The following MYDGF variants were observed in gnomAD, a reference collection of about 807,000 sequenced individuals.
The protein encoded by MYDGF is myeloid-derived growth factor.
In MYDGF, 29 loss-of-function variants were observed where a neutral mutation model predicts 24.2. That is an observed-to-expected ratio of 1.20 (90% CI 0.89 to 1.63). The LOEUF (loss-of-function observed/expected upper bound fraction) is 1.63. Ranked by LOEUF, MYDGF falls within the 40% of genes most tolerant of loss-of-function variation. The probability of loss-of-function intolerance (pLI) is 0.00; values close to 1 mark genes in which losing one functional copy is unlikely to be tolerated. For synonymous variants in MYDGF, 105 were observed against 102.5 expected (o/e 1.02, Z -0.15); for missense variants, 245 against 234.8 (o/e 1.04, Z -0.29).
chr19:4,658,386 G>A (rs1481258494), intron 5 of MYDGF, among the ~76,000 whole-genome samples: 1 of 152,190 alleles, frequency 6.6e-6, no homozygotes, highest in Non-Finnish European at 1.5e-5. Context: ...GATGCAGAAA[G>A]GGGCCAGAAG....
At chr19:4,665,769 T>C (rs1018948248) in intron 2 of MYDGF, among the ~76,000 whole-genome samples, 2 of 128,402 alleles carry the variant, frequency 1.6e-5, no homozygotes, top group African/African-American at 5.7e-5. Flanking sequence ...TGCAGTGAGC[T>C]GAGATCGCGC....
chr19:4,665,242 A>G (rs1182086463), intron 2 of MYDGF, among the ~76,000 whole-genome samples: 1 of 152,028 alleles, frequency 6.6e-6, no homozygotes, highest in Non-Finnish European at 1.5e-5. Context: ...TTTGTTTTTG[A>G]GATGGAGTCT....
At chr19:4,664,489 C>CAAAA (rs397958176) in intron 3 of MYDGF, among the ~76,000 whole-genome samples, 3 of 87,880 alleles carry the variant, frequency 3.4e-5, no homozygotes, top group East Asian at 7.0e-4. Flanking sequence ...GACTCCATCT[C>CAAAA]AAAAAAAAAA....
intron 4 of MYDGF, 106 bp downstream of exon 4, chr19:4,660,563 C>T: frequency 9.3e-7 from 1 of 1,070,046 alleles, no homozygotes; most frequent in South Asian, 1.4e-5. Flanking sequence ...ATTCGCTGTC[C>T]CCTCTCCTCC....
rs1247395689 is a variant in MYDGF at position 4,664,435 on chromosome 19, A to G, written c.287+441T>C. 2.7e-5 allele frequency among the ~76,000 whole-genome samples: 4 copies of G among 150,224 alleles called. 1 individual carries two copies. The highest frequency in any genetic ancestry group is 5.9e-5 in the Non-Finnish European group (4 of 67,660). Reference sequence around the variant, plus strand: ...AACCCAGGAGGCGGAGGCTGCAGTGAGCCAAGATTGCTCCACTGCACTACA... The same window carrying G: ...AACCCAGGAGGCGGAGGCTGCAGTGGGCCAAGATTGCTCCACTGCACTACA... On this transcript the variant is annotated intron_variant, in intron 3 of 5. Coordinates refer to ENST00000262947, the MANE Select transcript of MYDGF (RefSeq NM_019107.4).
rs1331498627 is a variant in MYDGF, at chr19:4,660,813, T to C, written c.288-63A>G. 4 of 1,439,110 alleles carry C rather than the reference T, an allele frequency of 2.8e-6. No homozygotes were observed. In the East Asian group the frequency reaches 7.1e-5, roughly 25 times the overall value. The allele number at this position is 1,439,110 out of a possible 1,614,324, so 89.1% of individuals were successfully genotyped here. A position where few individuals can be genotyped will look rare whatever the true frequency, so the allele number is the denominator to read the frequency against. On this transcript the variant is annotated intron_variant, in intron 3 of 5. Transcript: ENST00000262947. The stretch of plus-strand genomic sequence containing the variant: ...CTGCTGGGTCTGGGTCTGTGTGCCC[T>C]GGAAGGAGCCCCGCCAGGGACTCGG...
Position 4,665,744 on chromosome 19 carries a change from C to A in MYDGF, c.226-807G>T, listed in dbSNP as rs540007529. ...GCTAAGGCAGGAGAATGGCGTGTAC[C>A]CGGGAGGCGGAGCTTGCAGTGAGCT... On this transcript the variant is annotated intron_variant, in intron 2 of 5. Transcript: ENST00000262947. Among the ~76,000 whole-genome samples the A allele has an allele frequency of 4.8e-3, 696 of 145,134 alleles. 2 individuals are homozygous for A. Among genetic ancestry groups the A allele is most frequent in the Middle Eastern group, 0.016 (4 of 254 alleles).
At chr19:4,659,659 GC>G (rs2088454122) in intron 5 of MYDGF, 1 of 512,524 alleles carries the variant, frequency 2.0e-6, no homozygotes, top group African/African-American at 1.9e-5. Context: ...ACCGCGCCCA[GC>G]TAAGATAAAG....
intron 5 of MYDGF, among the ~76,000 whole-genome samples, chr19:4,658,639 A>G (rs117505142): frequency 0.016 from 2,501 of 152,088 alleles, 39 homozygotes; most frequent in Non-Finnish European, 0.022. Context: ...CATTGGCGCC[A>G]TGCAGCTGAA....
rs201976051 is a variant in MYDGF at position 4,668,652 on chromosome 19, A to G, written c.175-7T>C. ...ACATACACGTATATTTGTCCTAGAG[A>G]ATGGAAGGAAAAAAAAGGTTTGGTA... On this transcript the variant is annotated splice_polypyrimidine_tract_variant and splice_region_variant and intron_variant, in intron 1 of 5. Coordinates refer to ENST00000262947, the MANE Select transcript of MYDGF (RefSeq NM_019107.4). The G allele has an allele frequency of 2.0e-4, 326 of 1,611,290 alleles. No individual in the cohort carries two copies. The highest frequency in any genetic ancestry group is 8.3e-5 in the Admixed American group (5 of 59,940).
At chr19:4,668,259 G>A (rs1382786065) in intron 2 of MYDGF, among the ~76,000 whole-genome samples, 2 of 152,162 alleles carry the variant, frequency 1.3e-5, no homozygotes, top group Non-Finnish European at 2.9e-5. Context: ...AAAGCTATGA[G>A]ATAATAAATG....
In MYDGF at chr19:4,670,173, G is replaced by A; in HGVS notation, c.162C>T (p.Asn54=). ...PGGVVHSFSH[N]VGPGDKYTCM... Reference sequence around the variant, plus strand: ...CGGTGGCACGTACCCCCGGGCCCACGTTATGGGAGAAGGAATGCACGACGC... The same window carrying A: ...CGGTGGCACGTACCCCCGGGCCCACATTATGGGAGAAGGAATGCACGACGC... The change falls in exon 1 of 6, where the codon AAC becomes AAT. Residue 54 remains asparagine, a synonymous_variant. Transcript: ENST00000262947. The A allele has an allele frequency of 6.5e-7, 1 of 1,548,912 alleles. No homozygotes were observed. The highest frequency in any genetic ancestry group is 8.7e-7 in the Non-Finnish European group (1 of 1,149,838).
chr19:4,668,148 G>A (rs1455853682), intron 2 of MYDGF, among the ~76,000 whole-genome samples: 2 of 152,114 alleles, frequency 1.3e-5, no homozygotes, highest in African/African-American at 2.4e-5. Context: ...GGCTGGTCTC[G>A]AACTTTGACC....
chr19:4,668,583 T>C lies in MYDGF; in HGVS notation c.225+12A>G. On this transcript the variant is annotated intron_variant, in intron 2 of 5. Coordinates refer to ENST00000262947, the MANE Select transcript of MYDGF (RefSeq NM_019107.4). ...TGTCACAGTAAGCTAGAGGGAATTT[T>C]GAACAACTCACCTCATTGGTCCCTC... 6.2e-7 allele frequency: 1 copy of C among 1,606,450 alleles called. No individual in the cohort carries two copies. Among genetic ancestry groups the C allele is most frequent in the East Asian group, 2.2e-5 (1 of 44,834 alleles).
intron 1 of MYDGF, among the ~76,000 whole-genome samples, chr19:4,669,584 C>T (rs2088547270): frequency 6.6e-6 from 1 of 152,102 alleles, no homozygotes; most frequent in African/African-American, 2.4e-5. Flanking sequence ...CGCCACTGCA[C>T]GCAAGTCTAA....
chr19:4,658,090 A>G lies in MYDGF; in HGVS notation c.443-6T>C, dbSNP rs1252408178. On this transcript the variant is annotated splice_polypyrimidine_tract_variant and splice_region_variant and intron_variant, in intron 5 of 5. Coordinates refer to ENST00000262947, the MANE Select transcript of MYDGF (RefSeq NM_019107.4). The stretch of plus-strand genomic sequence containing the variant: ...TGCCCCGGGCCTGTGAGCCACTGCA[A>G]GAAAGAAACACATGGTTGGGCCCTC... 9 of 1,607,532 alleles carry G rather than the reference A, an allele frequency of 5.6e-6. No individual in the cohort carries two copies. The highest frequency in any genetic ancestry group is 7.6e-6 in the Non-Finnish European group (9 of 1,177,380).
Position 4,657,691 on chromosome 19 carries a change from G to A in MYDGF, c.*314C>T, listed in dbSNP as rs774525060. On this transcript the variant is annotated 3_prime_UTR_variant, in exon 6 of 6. Transcript: ENST00000262947. ...CTCGGCTGGAGGTCGGGGGGAGCAT[G>A]GCTGCTTTCCCCAGCATAGCCCCCA... 8 of 248,238 alleles carry A rather than the reference G, an allele frequency of 3.2e-5. No individual in the cohort carries two copies. The highest frequency in any genetic ancestry group is 6.2e-5 in the Non-Finnish European group (8 of 129,688). 15.4% of individuals were successfully genotyped at this position (248,238 alleles called of 1,614,324 possible). A position where few individuals can be genotyped will look rare whatever the true frequency, so the allele number is the denominator to read the frequency against.
chr19:4,669,613 C>T (rs2088547598), intron 1 of MYDGF, among the ~76,000 whole-genome samples: 1 of 152,194 alleles, frequency 6.6e-6, no homozygotes, highest in African/African-American at 2.4e-5. Context: ...AGTCAAAAAA[C>T]AGTAAAGATA....
At chr19:4,666,144 C>T (rs72977951) in intron 2 of MYDGF, among the ~76,000 whole-genome samples, 18,527 of 152,004 alleles carry the variant, frequency 0.12, 1,413 homozygotes, top group South Asian at 0.19. Flanking sequence ...ATAGCGAGAC[C>T]CCATCTCTAA....
Sources: allele counts gnomAD v4.1 joint callset (sites outside exome capture counted in the v4.1 genomes callset), GRCh38; gene constraint gnomAD v4.1.1; transcripts MANE v1.5; gene names NCBI Gene and HGNC (gene_info 2026-07-23, HGNC 2026-07-21).